PSME3: variants seen among roughly 807,000 people sequenced by gnomAD.
The protein encoded by PSME3 is proteasome activator complex subunit 3.
A neutral mutation model predicts 38.3 loss-of-function variants in PSME3; 7 were observed. The observed-to-expected ratio is 0.18, with a 90% CI of 0.10 to 0.34. PSME3 has a LOEUF of 0.34. Ranked by LOEUF, PSME3 falls within the 10% of genes least tolerant of loss-of-function variation. The pLI, the probability that PSME3 is intolerant of heterozygous loss-of-function variation, is 1.00. For missense variants in PSME3, 192 were observed against 307.6 expected, an observed-to-expected ratio of 0.62 and a Z score of 2.81; for synonymous variants, 108 against 105.7, an observed-to-expected ratio of 1.02 and a Z score of -0.13.
At position 42,834,911 on chromosome 17, in the gene PSME3, C is replaced by T. The variant is rs775002554; in HGVS notation, c.243+35C>T. The T allele has an allele frequency of 3.1e-6, 5 of 1,611,280 alleles. No homozygotes were observed. In the South Asian group the frequency reaches 4.4e-5, roughly 14 times the overall value. On this transcript the variant is annotated intron_variant, in intron 4 of 10. Transcript: ENST00000590720. ...CTATATTTATCTTTGTGTTCTTGAG[C>T]AGTAGGTCCTCTGTCCTCTGTTTCC...
At chr17:42,835,236 C>G (rs1423965682) in intron 4 of PSME3, among the ~76,000 whole-genome samples, 2 of 152,018 alleles carry the variant, frequency 1.3e-5, no homozygotes, top group Non-Finnish European at 2.9e-5. Flanking sequence ...GGGGTTTCAC[C>G]ATGTTGCCCA....
At chr17:42,837,731 C>T (rs1328689542) in intron 5 of PSME3, 34 bp downstream of exon 5, 18 of 1,603,526 alleles carry the variant, frequency 1.1e-5, no homozygotes, top group Non-Finnish European at 1.5e-5. Flanking sequence ...TCCCCTCACC[C>T]CATCCCTGAC....
chr17:42,841,489 T>TTC lies in PSME3; in HGVS notation c.685-4_685-3dup, dbSNP rs2055533598. 1 of 1,576,986 alleles carries TTC rather than the reference T, an allele frequency of 6.3e-7. No individual in the cohort carries two copies. The highest frequency in any genetic ancestry group is 8.7e-7 in the Non-Finnish European group (1 of 1,151,222). ...AGATATGTGATTCCCCTGATCCCTC[T>TTC]TCTCTCAGGTCACTCTACATGACAT... is the stretch of plus-strand genomic sequence containing the variant. On this transcript the variant is annotated splice_polypyrimidine_tract_variant and intron_variant, in intron 10 of 10. Coordinates refer to ENST00000590720, the MANE Select transcript of PSME3 (RefSeq NM_005789.4).
chr17:42,838,852 C>T (rs904491893), intron 7 of PSME3, 53 bp downstream of exon 7: 22 of 1,579,010 alleles, frequency 1.4e-5, no homozygotes, highest in Non-Finnish European at 1.8e-5. Flanking sequence ...ATACTCTCAT[C>T]TCCCCTGCGT....
chr17:42,842,980 G>A lies in PSME3; in HGVS notation c.*1402G>A, dbSNP rs1264409696. On this transcript the variant is annotated 3_prime_UTR_variant, in exon 11 of 11. Transcript: ENST00000590720. ...ACTCCCAATATTCTGTAGAGAGGGA[G>A]TCAGGATGCTGTCTTCCCACGAATA... 6.5e-6 allele frequency: 1 copy of A among 152,744 alleles called. No homozygotes were observed. The highest frequency in any genetic ancestry group is 1.5e-5 in the Non-Finnish European group (1 of 68,042). The allele number at this position is 152,744 out of a possible 1,614,324, so 9.5% of individuals were successfully genotyped here.
intron 10 of PSME3, among the ~76,000 whole-genome samples, chr17:42,841,232 T>G (rs1278404271): frequency 6.6e-6 from 1 of 150,904 alleles, no homozygotes. Context: ...CAAAACCAAG[T>G]TTTTTTTTCA....
rs765809554 is a variant in PSME3, at chr17:42,839,422, CTT to C, written c.684+43_684+44del. 10 of 1,489,256 alleles carry C rather than the reference CTT, an allele frequency of 6.7e-6. No individual in the cohort carries two copies. The African/African-American group carries it at 1.2e-4, about 19-fold the overall frequency. 92.3% of individuals were successfully genotyped at this position (1,489,256 alleles called of 1,614,324 possible). A position where few individuals can be genotyped will look rare whatever the true frequency, so the allele number is the denominator to read the frequency against. Reference sequence around the variant, plus strand: ...CTTGTCCATAGTTGCTGTGGCTTCTCTTAGTTCTGTTGAGAGTATTGTTAAAA... The same window carrying C: ...CTTGTCCATAGTTGCTGTGGCTTCTCAGTTCTGTTGAGAGTATTGTTAAAA... On this transcript the variant is annotated intron_variant, in intron 10 of 10. Coordinates refer to ENST00000590720, the MANE Select transcript of PSME3 (RefSeq NM_005789.4).
chr17:42,834,215 T>C, intron 1 of PSME3, 129 bp from the exon 2 acceptor site: 21 of 1,558,930 alleles, frequency 1.3e-5, no homozygotes, highest in Non-Finnish European at 1.7e-5. Flanking sequence ...AATAAAGTAT[T>C]TGCAGTCTGG....
Sources: allele counts gnomAD v4.1 joint callset (sites outside exome capture counted in the v4.1 genomes callset), GRCh38; gene constraint gnomAD v4.1.1; transcripts MANE v1.5; gene names NCBI Gene and HGNC (gene_info 2026-07-23, HGNC 2026-07-21).